The following BCHE variants were observed in gnomAD, a reference collection of about 807,000 sequenced individuals.
The protein encoded by BCHE is cholinesterase.
Under a neutral mutation model 51.3 loss-of-function variants are expected in BCHE, and 48 were observed. The observed-to-expected ratio is 0.94, with a 90% confidence interval of 0.74 to 1.19. The LOEUF (loss-of-function observed/expected upper bound fraction) is 1.19. Ranked by LOEUF, BCHE falls within the 50% of genes most tolerant of loss-of-function variation. The probability of loss-of-function intolerance (pLI) is 0.00; values close to 1 mark genes in which losing one functional copy is unlikely to be tolerated. For synonymous variants in BCHE, 251 were observed against 238.0 expected (o/e 1.05, Z -0.50); for missense variants, 847 against 708.2 (o/e 1.20, Z -2.23).
At chr3:165,832,382 T>A (rs1177953244) in intron 1 of BCHE, among the ~76,000 whole-genome samples, 1 of 150,408 alleles carries the variant, frequency 6.6e-6, no homozygotes, top group Non-Finnish European at 1.5e-5. Context: ...AACCTCTGCC[T>A]CCTGGGCTCA....
intron 2 of BCHE, among the ~76,000 whole-genome samples, chr3:165,816,057 G>A (rs1216777182): frequency 3.3e-5 from 5 of 151,540 alleles, no homozygotes; most frequent in Admixed American, 6.6e-5. Context: ...AAAATTTAGG[G>A]CACAGTACAA....
At chr3:165,825,619 G>A (rs1714691221) in intron 2 of BCHE, among the ~76,000 whole-genome samples, 1 of 151,976 alleles carries the variant, frequency 6.6e-6, no homozygotes, top group Non-Finnish European at 1.5e-5. Flanking sequence ...AGTTACACAT[G>A]TATACATGTG....
intron 2 of BCHE, among the ~76,000 whole-genome samples, chr3:165,796,105 A>C (rs996666094): frequency 6.6e-6 from 1 of 152,192 alleles, no homozygotes; most frequent in Non-Finnish European, 1.5e-5. Flanking sequence ...AAGGGGAACA[A>C]ATTACACTTC....
chr3:165,825,446 A>T (rs1267569516), intron 2 of BCHE, among the ~76,000 whole-genome samples: 1 of 152,044 alleles, frequency 6.6e-6, no homozygotes, highest in African/African-American at 2.4e-5. Context: ...TTTATTTGAT[A>T]AGATGGAAAT....
Position 165,830,974 on chromosome 3 carries a change from G to T in BCHE, c.60C>A (p.Cys20Ter). 2 of 1,613,766 alleles carry T rather than the reference G, an allele frequency of 1.2e-6. No homozygotes were observed. Among genetic ancestry groups the T allele is most frequent in the Non-Finnish European group, 1.7e-6 (2 of 1,179,850 alleles). Residue 20 changes from cysteine to a stop codon, truncating the protein, a stop_gained, in exon 2 of 4, where the codon TGC (cysteine) becomes TGA (stop). Coordinates refer to ENST00000264381, the MANE Select transcript of BCHE (RefSeq NM_000055.4). LOFTEE classifies it high-confidence loss of function. ...CAGTATGTGACTTCCCAATAAGCAT[G>T]CAGAGCAAAAGAAACCAAAAGAGAA... is the stretch of plus-strand genomic sequence containing the variant. ...IRFLFWFLLL[C>*]MLIGKSHTED...
intron 2 of BCHE, among the ~76,000 whole-genome samples, chr3:165,822,430 C>A (rs1392963491): frequency 2.6e-5 from 4 of 151,888 alleles, no homozygotes; most frequent in African/African-American, 7.3e-5. Flanking sequence ...AAGTGGAATA[C>A]AATTTTCTGT....
chr3:165,788,202 T>C (rs1355379648), intron 2 of BCHE, among the ~76,000 whole-genome samples: 1 of 152,026 alleles, frequency 6.6e-6, no homozygotes, highest in Non-Finnish European at 1.5e-5. Flanking sequence ...AGTATGGTTA[T>C]CAAGAGGCAG....
intron 2 of BCHE, among the ~76,000 whole-genome samples, chr3:165,798,042 C>G (rs1011621933): frequency 1.3e-5 from 2 of 152,152 alleles, no homozygotes; most frequent in African/African-American, 4.8e-5. Flanking sequence ...CTAATCACCT[C>G]CATTAGACTT....
intron 2 of BCHE, among the ~76,000 whole-genome samples, chr3:165,825,785 G>T (rs1714699257): frequency 6.6e-6 from 1 of 151,694 alleles, no homozygotes; most frequent in Admixed American, 6.6e-5. Flanking sequence ...TTCCACCTAT[G>T]AATATAAGAA....
chr3:165,786,374 T>A (rs1712952279), intron 2 of BCHE, 63 bp from the exon 3 acceptor site: 4 of 1,438,352 alleles, frequency 2.8e-6, no homozygotes, highest in Non-Finnish European at 3.8e-6. Flanking sequence ...AAAAGAATAT[T>A]GTTTTCTAAC....
intron 1 of BCHE, among the ~76,000 whole-genome samples, chr3:165,832,676 T>G (rs1452955373): frequency 2.0e-5 from 3 of 152,166 alleles, no homozygotes; most frequent in African/African-American, 7.2e-5. Flanking sequence ...AAAGATCCAT[T>G]AATGTACAAA....
At chr3:165,791,206 A>C (rs1043874771) in intron 2 of BCHE, among the ~76,000 whole-genome samples, 10 of 151,750 alleles carry the variant, frequency 6.6e-5, no homozygotes, top group African/African-American at 2.4e-4. Context: ...GAGGCAGGAG[A>C]ATGGCTTGAA....
intron 2 of BCHE, among the ~76,000 whole-genome samples, chr3:165,793,324 T>G (rs1434026679): frequency 6.6e-6 from 1 of 152,244 alleles, no homozygotes; most frequent in Non-Finnish European, 1.5e-5. Context: ...CCTTGTCCTA[T>G]TCTCCTCCTA....
intron 2 of BCHE, among the ~76,000 whole-genome samples, chr3:165,801,210 T>A (rs1432282572): frequency 6.6e-6 from 1 of 152,246 alleles, no homozygotes; most frequent in Non-Finnish European, 1.5e-5. Flanking sequence ...ATGTGATTTC[T>A]GAATGACTTG....
chr3:165,806,816 A>G (rs561188775), intron 2 of BCHE, among the ~76,000 whole-genome samples: 1 of 152,248 alleles, frequency 6.6e-6, no homozygotes, highest in Non-Finnish European at 1.5e-5. Context: ...TTTAATGGCC[A>G]TATTTGGTTC....
intron 2 of BCHE, among the ~76,000 whole-genome samples, chr3:165,809,566 C>G (rs1358196456): frequency 3.3e-5 from 5 of 152,058 alleles, no homozygotes; most frequent in Non-Finnish European, 5.9e-5. Flanking sequence ...TATAATCCTA[C>G]ATGTATAACT....
At chr3:165,800,370 C>A (rs139965180) in intron 2 of BCHE, among the ~76,000 whole-genome samples, 287 of 152,142 alleles carry the variant, frequency 1.9e-3, no homozygotes, top group African/African-American at 6.7e-3. Flanking sequence ...GAAAAATAGA[C>A]CTGCATTCAG....
intron 2 of BCHE, among the ~76,000 whole-genome samples, chr3:165,822,916 G>A (rs551314173): frequency 7.2e-5 from 11 of 151,744 alleles, no homozygotes; most frequent in Non-Finnish European, 1.2e-4. Flanking sequence ...AATTTTTTTC[G>A]CTATCAAGTT....
chr3:165,791,733 A>C (rs1391831949), intron 2 of BCHE, among the ~76,000 whole-genome samples: 1 of 152,110 alleles, frequency 6.6e-6, no homozygotes, highest in Non-Finnish European at 1.5e-5. Context: ...CAGGCGGATC[A>C]CTTGAGGTCA....
Sources: gnomAD v4.1 joint callset for allele counts (sites outside exome capture counted in the v4.1 genomes callset) on GRCh38, gnomAD v4.1.1 for gene constraint, MANE v1.5 for transcripts, NCBI Gene and HGNC (gene_info 2026-07-23, HGNC 2026-07-21) for gene names.